The following ST8SIA5 variants were observed in gnomAD, a reference collection of about 807,000 sequenced individuals.
ST8SIA5 encodes alpha-2,8-sialyltransferase 8E.
In ST8SIA5, 24 loss-of-function variants were observed where a neutral mutation model predicts 40.2. The observed-to-expected ratio is 0.60, with a 90% CI of 0.43 to 0.84. The LOEUF is 0.84. Ranked by LOEUF, ST8SIA5 falls within the 40% of genes least tolerant of loss-of-function variation. The pLI is 0.00. For synonymous variants in ST8SIA5, 198 were observed against 201.8 expected (o/e 0.98, Z 0.16); for missense variants, 465 against 498.5 (o/e 0.93, Z 0.64).
At chr18:46,715,834 G>A (rs1474201975) in intron 1 of ST8SIA5, among the ~76,000 whole-genome samples, 7 of 151,910 alleles carry the variant, frequency 4.6e-5, no homozygotes, top group East Asian at 1.9e-4. Context: ...CAATCCTCCC[G>A]CCTCAGCCTC....
At chr18:46,681,560 T>G (rs1212381893) in intron 6 of ST8SIA5, among the ~76,000 whole-genome samples, 3 of 152,184 alleles carry the variant, frequency 2.0e-5, no homozygotes, top group Non-Finnish European at 4.4e-5. Context: ...CAGTACCTCC[T>G]GGACACAGCC....
At chr18:46,749,884 G>A (rs1449957312) in intron 1 of ST8SIA5, among the ~76,000 whole-genome samples, 2 of 152,124 alleles carry the variant, frequency 1.3e-5, no homozygotes, top group Non-Finnish European at 1.5e-5. Flanking sequence ...TGGGATTGGT[G>A]CCCACATAAG....
intron 1 of ST8SIA5, chr18:46,731,989 G>C (rs999175422): frequency 6.6e-6 from 1 of 152,196 alleles, no homozygotes; most frequent in Non-Finnish European, 1.5e-5. Context: ...ACAAGAACAG[G>C]GGAGGGTGTC....
intron 3 of ST8SIA5, 182 bp downstream of exon 3, chr18:46,691,987 C>T (rs1181813742): frequency 3.2e-6 from 2 of 625,474 alleles, no homozygotes; most frequent in Non-Finnish European, 5.8e-6. Context: ...GGGCAAGGTG[C>T]CTGCCTCAGC....
chr18:46,700,088 G>C (rs1023862451), intron 2 of ST8SIA5, among the ~76,000 whole-genome samples: 6 of 152,182 alleles, frequency 3.9e-5, no homozygotes, highest in African/African-American at 1.2e-4. Context: ...AAAATAAAGG[G>C]GCTCTAGATG....
At chr18:46,689,499 C>T (rs1362497102) in intron 3 of ST8SIA5, among the ~76,000 whole-genome samples, 1 of 152,084 alleles carries the variant, frequency 6.6e-6, no homozygotes, top group East Asian at 1.9e-4. Flanking sequence ...TTTCCTCATA[C>T]AGGCTTGGCT....
chr18:46,682,497 T>C (rs1468728009), intron 5 of ST8SIA5, among the ~76,000 whole-genome samples: 2 of 152,212 alleles, frequency 1.3e-5, no homozygotes, highest in African/African-American at 2.4e-5. Context: ...TACATAAACA[T>C]GCGATATGTT....
chr18:46,748,264 G>GGGCTGGGCGTGGTGGCT (rs961225382), intron 1 of ST8SIA5, among the ~76,000 whole-genome samples: 3 of 151,736 alleles, frequency 2.0e-5, no homozygotes, highest in Admixed American at 6.6e-5. Context: ...ATAGGCAAAG[G>GGGCTGGGCGTGGTGGCT]GGCTGGGCGT....
intron 1 of ST8SIA5, among the ~76,000 whole-genome samples, chr18:46,745,541 C>A (rs192376308): frequency 1.6e-4 from 25 of 152,286 alleles, no homozygotes. Context: ...TCTGAATAGA[C>A]CAATAACAGG....
intron 1 of ST8SIA5, among the ~76,000 whole-genome samples, chr18:46,719,817 T>C (rs1387852431): frequency 4.9e-5 from 3 of 61,116 alleles, no homozygotes; most frequent in African/African-American, 1.3e-4. Context: ...CTTTCCTTCC[T>C]TTCTCTTTCT....
chr18:46,692,296 C>A lies in ST8SIA5; in HGVS notation c.225-41G>T, dbSNP rs750699160. On this transcript the variant is annotated intron_variant, in intron 2 of 6. Coordinates refer to ENST00000315087, the MANE Select transcript of ST8SIA5 (RefSeq NM_013305.6). The stretch of plus-strand genomic sequence containing the variant: ...CAGAAGAGTACATGAGCAGGGTAGG[C>A]GGGACAGAGCGCGATCATTCCCAGA... The A allele has an allele frequency of 3.2e-6, 5 of 1,580,616 alleles. No homozygotes were observed. In the South Asian group the frequency reaches 4.4e-5, roughly 14 times the overall value.
intron 2 of ST8SIA5, among the ~76,000 whole-genome samples, chr18:46,702,162 A>C (rs984896878): frequency 6.6e-6 from 1 of 151,128 alleles, no homozygotes; most frequent in Middle Eastern, 3.2e-3. Context: ...AAAAAAAAAA[A>C]CAGAAATTAG....
Position 46,677,957 on chromosome 18 carries a change from T to C in ST8SIA5, c.*2085A>G, listed in dbSNP as rs2144450436. 6.6e-6 allele frequency: 1 copy of C among 152,350 alleles called. No individual in the cohort carries two copies. The highest frequency in any genetic ancestry group is 3.4e-3 in the Middle Eastern group (1 of 294). 9.4% of individuals were successfully genotyped at this position (152,350 alleles called of 1,614,324 possible). A position where few individuals can be genotyped will look rare whatever the true frequency, so the allele number is the denominator to read the frequency against. On this transcript the variant is annotated 3_prime_UTR_variant, in exon 7 of 7. Coordinates refer to ENST00000315087, the MANE Select transcript of ST8SIA5 (RefSeq NM_013305.6). The stretch of plus-strand genomic sequence containing the variant: ...TTTCCTAAAGTGGAACAAAATGGTC[T>C]TTAAGAACCTTCTAGTTTTTATATT...
intron 1 of ST8SIA5, chr18:46,721,264 G>T: frequency 9.0e-7 from 1 of 1,115,570 alleles, no homozygotes; most frequent in Non-Finnish European, 1.3e-6. Flanking sequence ...AACAAGACCT[G>T]CTTCTTCCAC....
At chr18:46,697,124 T>TA (rs35310725) in intron 2 of ST8SIA5, among the ~76,000 whole-genome samples, 51,409 of 126,580 alleles carry the variant, frequency 0.41, 10,685 homozygotes, top group Non-Finnish European at 0.48. Context: ...GTTCCTCTGT[T>TA]AAAAAAAAAA....
At chr18:46,687,257 A>G (rs1465657246) in intron 4 of ST8SIA5, among the ~76,000 whole-genome samples, 4 of 152,226 alleles carry the variant, frequency 2.6e-5, no homozygotes, top group Non-Finnish European at 4.4e-5. Flanking sequence ...TAAGATTGAA[A>G]GTGTTACTGG....
chr18:46,744,485 T>C (rs521726), intron 1 of ST8SIA5, among the ~76,000 whole-genome samples: 109,656 of 151,926 alleles, frequency 0.72, 40,077 homozygotes, highest in Middle Eastern at 0.8. Flanking sequence ...TTCATAATGG[T>C]AAAGGGATCA....
At chr18:46,712,434 C>G (rs535000469) in intron 1 of ST8SIA5, among the ~76,000 whole-genome samples, 24 of 152,312 alleles carry the variant, frequency 1.6e-4, no homozygotes, top group East Asian at 1.2e-3. Context: ...TCTTCTCCCC[C>G]CTGGGGGAGT....
At chr18:46,692,978 C>G (rs551023107) in intron 2 of ST8SIA5, among the ~76,000 whole-genome samples, 1 of 151,506 alleles carries the variant, frequency 6.6e-6, no homozygotes, top group South Asian at 2.1e-4. Context: ...CCTGGCTACC[C>G]TGCCGACCCT....
Sources: gnomAD v4.1 joint callset for allele counts (sites outside exome capture counted in the v4.1 genomes callset) on GRCh38, gnomAD v4.1.1 for gene constraint, MANE v1.5 for transcripts, NCBI Gene and HGNC (gene_info 2026-07-23, HGNC 2026-07-21) for gene names.